The following TUB variants were observed in gnomAD, a reference collection of about 807,000 sequenced individuals.
The protein encoded by TUB is tubby protein homolog.
A neutral mutation model predicts 59.7 loss-of-function variants in TUB; 33 were observed. The ratio of observed to expected loss-of-function variants is 0.55; its 90% CI spans 0.42 to 0.74. The LOEUF (loss-of-function observed/expected upper bound fraction) is 0.74, where lower values mean the gene tolerates loss of function less well. TUB is among the 30% of genes least tolerant of loss of function. The pLI, the probability that TUB is intolerant of heterozygous loss-of-function variation, is 0.00. For synonymous variants in TUB, 293 were observed against 256.4 expected, an observed-to-expected ratio of 1.14 and a Z score of -1.36; for missense variants, 659 against 672.0, an observed-to-expected ratio of 0.98 and a Z score of 0.21.
At chr11:8,020,193 T>C (rs369878479) in intron 1 of TUB, among the ~76,000 whole-genome samples, 2 of 152,244 alleles carry the variant, frequency 1.3e-5, no homozygotes, top group African/African-American at 4.8e-5. Context: ...TTTGTTTGTT[T>C]GTTGTTTTTA....
chr11:8,093,608 G>A (rs927152739), intron 3 of TUB, among the ~76,000 whole-genome samples: 38 of 152,254 alleles, frequency 2.5e-4, no homozygotes, highest in African/African-American at 7.2e-4. Flanking sequence ...TCCCCGCAGA[G>A]CCCCCTCGTA....
At chr11:8,098,381 G>A (rs913025397) in intron 8 of TUB, among the ~76,000 whole-genome samples, 3 of 152,156 alleles carry the variant, frequency 2.0e-5, no homozygotes, top group South Asian at 4.1e-4. Flanking sequence ...GGCTGGCTGC[G>A]ACAGAGGAGA....
intron 2 of TUB, among the ~76,000 whole-genome samples, chr11:8,071,613 A>G (rs1943361378): frequency 6.6e-6 from 1 of 152,186 alleles, no homozygotes; most frequent in African/African-American, 2.4e-5. Flanking sequence ...GTTTTATATG[A>G]GATTCATGTC....
intron 8 of TUB, 84 bp downstream of exon 8, chr11:8,097,910 A>G: frequency 1.9e-6 from 2 of 1,044,384 alleles, no homozygotes; most frequent in Non-Finnish European, 2.9e-6. Flanking sequence ...AATCTTCCTG[A>G]AGGAGATCTA....
chr11:8,023,471 T>C (rs1942459224), intron 1 of TUB, among the ~76,000 whole-genome samples: 1 of 152,212 alleles, frequency 6.6e-6, no homozygotes, highest in Admixed American at 6.5e-5. Flanking sequence ...TTCCATTCTA[T>C]TCTCAGGCTA....
Position 8,052,421 on chromosome 11 carries a change from T to TTCCC in TUB, c.203+12731_203+12734dup, listed in dbSNP as rs757131882. ...ATGTCGAAGGCATTTCTTGTGAAGCTTCCCTAGATAGGTTATTTTTTCTAT... is the reference window on the plus strand; with the variant it reads ...ATGTCGAAGGCATTTCTTGTGAAGCTTCCCTCCCTAGATAGGTTATTTTTTCTAT... On this transcript the variant is annotated intron_variant, in intron 2 of 12. Transcript: ENST00000305253. 1.1e-3 allele frequency among the ~76,000 whole-genome samples: 172 copies of TTCCC among 151,948 alleles called. 1 individual carries two copies. Among genetic ancestry groups the TTCCC allele is most frequent in the Non-Finnish European group, 2.0e-3 (133 of 68,000 alleles).
chr11:8,038,622 G>A (rs993491434), upstream of TUB: 5 of 1,215,422 alleles, frequency 4.1e-6, 1 homozygote, highest in African/African-American at 1.5e-5. Flanking sequence ...GTGTGGCATG[G>A]CCACTGAGAC....
intron 5 of TUB, 108 bp from the exon 6 acceptor site, chr11:8,096,577 G>C (rs536324867): frequency 1.3e-6 from 1 of 762,960 alleles, no homozygotes; most frequent in East Asian, 2.4e-5. Flanking sequence ...ATAAGTTTGT[G>C]GGGGTACAGG....
At chr11:8,056,859 G>C (rs968432086) in intron 2 of TUB, among the ~76,000 whole-genome samples, 3 of 152,076 alleles carry the variant, frequency 2.0e-5, no homozygotes, top group Non-Finnish European at 4.4e-5. Flanking sequence ...GTAAGGTGTG[G>C]GGGCAGTGAT....
In TUB at chr11:8,100,820, T is replaced by C; in HGVS notation, c.1216-6T>C. On this transcript the variant is annotated splice_region_variant and splice_polypyrimidine_tract_variant and intron_variant, in intron 10 of 11. Coordinates refer to ENST00000299506, the MANE Select transcript of TUB (RefSeq NM_177972.3). ...GGGCCTGGCTCAGGTGAGGCTGCCC[T>C]CCCAGGAGCATGAGACACTGCTAGC... 4 of 1,613,582 alleles carry C rather than the reference T, an allele frequency of 2.5e-6. No homozygotes were observed. Among genetic ancestry groups the C allele is most frequent in the Non-Finnish European group, 3.4e-6 (4 of 1,179,756 alleles).
chr11:8,072,524 A>C (rs879717331), intron 2 of TUB, among the ~76,000 whole-genome samples: 1 of 152,146 alleles, frequency 6.6e-6, no homozygotes, highest in Non-Finnish European at 1.5e-5. Context: ...GAGACAATAC[A>C]AGCGAGCACT....
chr11:8,046,733 T>A (rs1401067592), intron 2 of TUB, among the ~76,000 whole-genome samples: 1 of 152,222 alleles, frequency 6.6e-6, no homozygotes, highest in Admixed American at 6.5e-5. Flanking sequence ...TGGGCCACAC[T>A]GAAGCCAGAG....
chr11:8,027,495 A>T (rs1942515626), intron 1 of TUB, among the ~76,000 whole-genome samples: 1 of 152,092 alleles, frequency 6.6e-6, no homozygotes, highest in Non-Finnish European at 1.5e-5. Context: ...TATTTTTAAA[A>T]TTTTTTAAAT....
rs760860395 is a variant in TUB at position 8,094,057 on chromosome 11, G to A, written c.265G>A (p.Asp89Asn). 20 of 1,614,132 alleles carry A rather than the reference G, an allele frequency of 1.2e-5. No individual in the cohort carries two copies. The highest frequency in any genetic ancestry group is 1.6e-4 in the Middle Eastern group (1 of 6,062). ...GSTSYQVQEA[D>N]SLASVQLGAT... Reference sequence around the variant, plus strand: ...TGTTTCCTGAGCAGTTCAAGAGGCCGACTCACTCGCCAGTGTGCAGCTGGG... The same window carrying A: ...TGTTTCCTGAGCAGTTCAAGAGGCCAACTCACTCGCCAGTGTGCAGCTGGG... The change falls in exon 4 of 12, where the codon GAC becomes AAC. Residue 89 changes from aspartate (D) to asparagine (N), a missense_variant. Physicochemically the swap from Asp to Asn is conservative, Grantham distance 23. Transcript: ENST00000299506.
intron 1 of TUB, among the ~76,000 whole-genome samples, chr11:8,030,131 C>T (rs1312012081): frequency 6.6e-6 from 1 of 152,084 alleles, no homozygotes; most frequent in East Asian, 1.9e-4. Context: ...ATGGACTTTT[C>T]AGATCCCTTG....
chr11:8,104,921 C>G lies in TUB; in HGVS notation c.*3302C>G, dbSNP rs896107964. ...CAAGTAGGGCACAAAATTCTAGAAG[C>G]AGAAGGTTGTTTTTTTTTTTTTTTC... On this transcript the variant is annotated 3_prime_UTR_variant, in exon 12 of 12. Transcript: ENST00000299506. 3 of 135,554 alleles carry G rather than the reference C, an allele frequency of 2.2e-5. No homozygotes were observed. The highest frequency in any genetic ancestry group is 3.2e-5 in the Non-Finnish European group (2 of 62,940). The allele number at this position is 135,554 out of a possible 1,614,324, so 8.4% of individuals were successfully genotyped here.
intron 2 of TUB, among the ~76,000 whole-genome samples, chr11:8,071,833 G>A (rs1235421731): frequency 6.6e-6 from 1 of 152,252 alleles, no homozygotes; most frequent in Non-Finnish European, 1.5e-5. Flanking sequence ...TCCCACTGGG[G>A]AAGAGAGACC....
intron 3 of TUB, among the ~76,000 whole-genome samples, chr11:8,090,920 T>C (rs1943759044): frequency 6.6e-6 from 1 of 151,616 alleles, no homozygotes; most frequent in African/African-American, 2.4e-5. Context: ...GGGTTGGGGG[T>C]CTCTGAGCTT....
chr11:8,020,333 C>T (rs1942404761), intron 1 of TUB, among the ~76,000 whole-genome samples: 1 of 152,170 alleles, frequency 6.6e-6, no homozygotes, highest in South Asian at 2.1e-4. Context: ...GTCCTGCTTC[C>T]TGTGCTCTCC....
Sources: allele counts gnomAD v4.1 joint callset (sites outside exome capture counted in the v4.1 genomes callset), GRCh38; gene constraint gnomAD v4.1.1; transcripts MANE v1.5; gene names NCBI Gene and HGNC (gene_info 2026-07-23, HGNC 2026-07-21).